ATXN1: variants seen among roughly 807,000 people sequenced by gnomAD.
The protein encoded by ATXN1 is ataxin-1.
Under a neutral mutation model 56.4 loss-of-function variants are expected in ATXN1, and 8 were observed. That is an observed-to-expected ratio of 0.14 (90% confidence interval 0.08 to 0.26). ATXN1 has a LOEUF of 0.26. Ranked by LOEUF, ATXN1 falls within the 10% of genes least tolerant of loss-of-function variation. The pLI is 1.00. For synonymous variants in ATXN1, 514 were observed against 494.6 expected (o/e 1.04, Z -0.52); for missense variants, 987 against 1,106.5 (o/e 0.89, Z 1.53).
intron 2 of ATXN1, among the ~76,000 whole-genome samples, chr6:16,675,295 A>T (rs1001104264): frequency 1.3e-5 from 2 of 152,216 alleles, no homozygotes; most frequent in African/African-American, 4.8e-5. Flanking sequence ...CTAAGACTTC[A>T]TCATTTCACA....
chr6:16,723,430 A>C (rs1347970269), intron 2 of ATXN1, among the ~76,000 whole-genome samples: 1 of 152,244 alleles, frequency 6.6e-6, no homozygotes, highest in African/African-American at 2.4e-5. Context: ...ATAAAAACTA[A>C]GCTACAATCA....
intron 3 of ATXN1, among the ~76,000 whole-genome samples, chr6:16,594,272 T>C (rs1762775964): frequency 6.7e-6 from 1 of 149,878 alleles, no homozygotes; most frequent in Non-Finnish European, 1.5e-5. Flanking sequence ...TAAGTTTCCC[T>C]GGGTTATTGC....
In ATXN1 at chr6:16,306,796, A is replaced by G. The variant is rs1220899097; in HGVS notation, c.1981T>C (p.Cys661Arg). Residue 661 changes from cysteine (C) to arginine (R), a missense_variant, in exon 8 of 8, where the codon TGT becomes CGT. Cys to Arg is a radical substitution (Grantham distance 180). Around this residue, in one of 3 missense-constraint regions of ATXN1, gnomAD observed 196 missense variants for 196.7 expected, o/e 1.00. Transcript: ENST00000436367. This position sits in a 1 kb window ranked among gnomAD's most constrained non-coding sequence, Gnocchi z 5.2. ...FVFGQGWSSC[C>R]PERTSQLFDL... ...AAGAGCTGGCTGGTTCTCTCCGGACAGCAGGATGACCAGCCCTGTCCAAAC... is the reference window on the plus strand; with the variant it reads ...AAGAGCTGGCTGGTTCTCTCCGGACGGCAGGATGACCAGCCCTGTCCAAAC... The G allele has an allele frequency of 6.2e-7, 1 of 1,614,104 alleles. No homozygotes were observed. Among genetic ancestry groups the G allele is most frequent in the Non-Finnish European group, 8.5e-7 (1 of 1,180,014 alleles).
chr6:16,640,479 C>T (rs1465101932), intron 3 of ATXN1, among the ~76,000 whole-genome samples: 1 of 152,110 alleles, frequency 6.6e-6, no homozygotes, highest in Non-Finnish European at 1.5e-5. Flanking sequence ...TTCAGGAGAT[C>T]AAGACCATCC....
intron 4 of ATXN1, among the ~76,000 whole-genome samples, chr6:16,538,283 A>G (rs1001108039): frequency 5.3e-5 from 8 of 152,214 alleles, no homozygotes; most frequent in African/African-American, 1.9e-4. Context: ...TAAAATTTAC[A>G]TAACAAAAGT....
Position 16,443,715 on chromosome 6 carries a change from T to G in ATXN1, c.-161+42257A>C, listed in dbSNP as rs185626581. 2.6e-3 allele frequency among the ~76,000 whole-genome samples: 395 copies of G among 152,356 alleles called. 1 individual carries two copies. Among genetic ancestry groups the G allele is most frequent in the African/African-American group, 9.0e-3 (374 of 41,580 alleles). On this transcript the variant is annotated intron_variant, in intron 6 of 7. Coordinates refer to ENST00000436367, the MANE Select transcript of ATXN1 (RefSeq NM_001128164.2). ...AAATTGTGTTGGTGTGAGTGAGAAC[T>G]GCTATTTTCAGTTTGAGAGAAAGAA...
chr6:16,505,083 C>T (rs1760957995), intron 5 of ATXN1, among the ~76,000 whole-genome samples: 1 of 150,408 alleles, frequency 6.6e-6, no homozygotes, highest in Admixed American at 6.6e-5. Flanking sequence ...GCTAATTACA[C>T]ACACCCTCCG....
chr6:16,673,328 C>G (rs1026955638), intron 2 of ATXN1, among the ~76,000 whole-genome samples: 2 of 152,236 alleles, frequency 1.3e-5, no homozygotes, highest in Admixed American at 6.5e-5. Context: ...TTACCAAACA[C>G]ATAAAGACAG....
intron 1 of ATXN1, among the ~76,000 whole-genome samples, chr6:16,756,582 T>A (rs1056693517): frequency 6.6e-6 from 1 of 152,170 alleles, no homozygotes; most frequent in Non-Finnish European, 1.5e-5. Context: ...GCTGCACAGA[T>A]CTAAATCTCT....
At chr6:16,514,377 C>T (rs558848311) in intron 5 of ATXN1, among the ~76,000 whole-genome samples, 2 of 152,132 alleles carry the variant, frequency 1.3e-5, no homozygotes, top group Admixed American at 6.5e-5. Flanking sequence ...AGGGAGGCTG[C>T]GTCTGAGAGC....
At chr6:16,520,936 A>C (rs779023513) in intron 5 of ATXN1, among the ~76,000 whole-genome samples, 4 of 152,232 alleles carry the variant, frequency 2.6e-5, no homozygotes, top group Non-Finnish European at 5.9e-5. Context: ...CAAGTTCCGC[A>C]ATAATGACTC....
intron 5 of ATXN1, among the ~76,000 whole-genome samples, chr6:16,499,723 A>T (rs1334730778): frequency 3.9e-5 from 6 of 152,192 alleles, no homozygotes; most frequent in Non-Finnish European, 2.9e-5. Context: ...GTGTATAACC[A>T]AGAGAAATAA....
At chr6:16,681,869 G>A (rs1198142981) in intron 2 of ATXN1, among the ~76,000 whole-genome samples, 2 of 152,186 alleles carry the variant, frequency 1.3e-5, no homozygotes, top group South Asian at 2.1e-4. Flanking sequence ...GCATTTAAAT[G>A]CCAAATAAAA....
In ATXN1 at chr6:16,410,743, T is replaced by C. The variant is rs778234057; in HGVS notation, c.-161+75229A>G. On this transcript the variant is annotated intron_variant, in intron 6 of 7. Coordinates refer to ENST00000436367, the MANE Select transcript of ATXN1 (RefSeq NM_001128164.2). The surrounding 1 kb of genome is among the most constrained non-coding windows in gnomAD (Gnocchi z 4.6). Reference sequence around the variant, plus strand: ...ACATCTATTCAGGTCATATACAACATCCGTGGAGCAAAGTGAATTTGAAGT... The same window carrying C: ...ACATCTATTCAGGTCATATACAACACCCGTGGAGCAAAGTGAATTTGAAGT... 2.6e-5 allele frequency among the ~76,000 whole-genome samples: 4 copies of C among 152,152 alleles called. No individual in the cohort carries two copies. Among genetic ancestry groups the C allele is most frequent in the Non-Finnish European group, 4.4e-5 (3 of 68,016 alleles).
intron 6 of ATXN1, among the ~76,000 whole-genome samples, chr6:16,464,623 A>G (rs1174261981): frequency 6.6e-6 from 1 of 152,188 alleles, no homozygotes; most frequent in Non-Finnish European, 1.5e-5. Flanking sequence ...AACTCCAGAC[A>G]CAAAAAGACA....
At chr6:16,649,100 G>T (rs796665520) in intron 3 of ATXN1, among the ~76,000 whole-genome samples, 5 of 151,954 alleles carry the variant, frequency 3.3e-5, no homozygotes, top group Non-Finnish European at 7.4e-5. Flanking sequence ...CTTGTCACAC[G>T]TACAAATGAT....
At chr6:16,687,877 A>C (rs1461857094) in intron 2 of ATXN1, among the ~76,000 whole-genome samples, 1 of 152,226 alleles carries the variant, frequency 6.6e-6, no homozygotes, top group East Asian at 1.9e-4. Context: ...AACTAAAGGA[A>C]ACAAACACCT....
chr6:16,302,092 CTA>C lies in ATXN1; in HGVS notation c.*4235_*4236del, dbSNP rs1760120451. 6.5e-6 allele frequency: 1 copy of C among 152,674 alleles called. No homozygotes were observed. Among genetic ancestry groups the C allele is most frequent in the Non-Finnish European group, 1.5e-5 (1 of 68,048 alleles). The allele number at this position is 152,674 out of a possible 1,614,324, so 9.5% of individuals were successfully genotyped here. ...TGAACATGCAGCATTATATTGCAATCTATGCGGTATCTAAGGAGTAATCCACA... is the reference window on the plus strand; with the variant it reads ...TGAACATGCAGCATTATATTGCAATCTGCGGTATCTAAGGAGTAATCCACA... On this transcript the variant is annotated 3_prime_UTR_variant, in exon 8 of 8. Transcript: ENST00000436367.
At chr6:16,465,751 G>C (rs769072988) in intron 6 of ATXN1, among the ~76,000 whole-genome samples, 3 of 152,084 alleles carry the variant, frequency 2.0e-5, no homozygotes, top group Admixed American at 6.6e-5. Context: ...TGATTAGGAG[G>C]TTAAAATGAA....
Sources: allele counts gnomAD v4.1 joint callset (sites outside exome capture counted in the v4.1 genomes callset), GRCh38; gene constraint gnomAD v4.1.1; regional missense constraint gnomAD v4.1.1; non-coding constraint Gnocchi (gnomAD v3.1); transcripts MANE v1.5; gene names NCBI Gene and HGNC (gene_info 2026-07-23, HGNC 2026-07-21).